Variants in OSBPL6 observed in about 807,000 individuals in gnomAD.
OSBPL6 encodes oxysterol-binding protein-related protein 6.
A neutral mutation model predicts 125.8 loss-of-function variants in OSBPL6; 49 were observed. That is an observed-to-expected ratio of 0.39 (90% CI 0.31 to 0.49). The LOEUF (loss-of-function observed/expected upper bound fraction) is 0.49. Ranked by LOEUF, OSBPL6 falls within the 20% of genes least tolerant of loss-of-function variation. OSBPL6 has a pLI of 0.88. For missense variants in OSBPL6, 986 were observed against 1,135.4 expected (o/e 0.87, Z 1.89); for synonymous variants, 394 against 391.8 (o/e 1.01, Z -0.07).
intron 9 of OSBPL6, 23 bp downstream of exon 9, chr2:178,336,456 C>G: frequency 6.2e-7 from 1 of 1,610,788 alleles, no homozygotes; most frequent in South Asian, 1.1e-5. Flanking sequence ...CCAGTGTGGC[C>G]TGAGAGTAAG....
chr2:178,258,676 T>C lies in OSBPL6; in HGVS notation c.-350-26251T>C, dbSNP rs147835665. 9.4e-3 allele frequency among the ~76,000 whole-genome samples: 1,437 copies of C among 152,298 alleles called. 38 individuals carry two copies. The highest frequency in any genetic ancestry group is 0.01 in the Non-Finnish European group (712 of 68,024). On this transcript the variant is annotated intron_variant, in intron 1 of 24. Transcript: ENST00000190611. ...ACCTATGTAACTCATACGCCTATCA[T>C]GATAGTTCTGTCTCTCCAAAAAAAA...
intron 24 of OSBPL6, 119 bp from the exon 25 acceptor site, chr2:178,395,332 A>G (rs1695764463): frequency 1.6e-6 from 1 of 617,366 alleles, no homozygotes; most frequent in Non-Finnish European, 2.8e-6. Context: ...CTAGCAGATA[A>G]GATACTAACT....
intron 1 of OSBPL6, among the ~76,000 whole-genome samples, chr2:178,201,534 G>A (rs334109): frequency 6.6e-6 from 1 of 151,916 alleles, no homozygotes; most frequent in African/African-American, 2.4e-5. Context: ...GCCACAGCAC[G>A]CGGCAAGAGA....
intron 1 of OSBPL6, among the ~76,000 whole-genome samples, chr2:178,225,021 CTCTCTGAG>C (rs2090494772): frequency 1.3e-5 from 2 of 150,542 alleles, no homozygotes; most frequent in African/African-American, 4.9e-5. Flanking sequence ...CTCTCTCTCT[CTCTCTGAG>C]TGTGTGTGTG....
At chr2:178,349,100 T>C (rs1690995216) in intron 11 of OSBPL6, 124 bp from the exon 12 acceptor site, 1 of 1,003,112 alleles carries the variant, frequency 1.0e-6, no homozygotes, top group African/African-American at 1.6e-5. Flanking sequence ...GAGTACTGAG[T>C]GTCTCCAAGT....
At chr2:178,263,996 G>A (rs377704767) in intron 1 of OSBPL6, among the ~76,000 whole-genome samples, 1 of 152,134 alleles carries the variant, frequency 6.6e-6, no homozygotes, top group Non-Finnish European at 1.5e-5. Flanking sequence ...ACTGTGGCAT[G>A]TTAACATGAA....
intron 5 of OSBPL6, among the ~76,000 whole-genome samples, chr2:178,329,955 A>G (rs1559252832): frequency 6.6e-6 from 1 of 152,170 alleles, no homozygotes; most frequent in African/African-American, 2.4e-5. Context: ...CACATGGGAA[A>G]TGTTGCCCCG....
At chr2:178,304,998 G>A (rs1686633233) in intron 2 of OSBPL6, among the ~76,000 whole-genome samples, 1 of 152,040 alleles carries the variant, frequency 6.6e-6, no homozygotes, top group African/African-American at 2.4e-5. Context: ...TCACCCTCTG[G>A]ACTGAAGTTC....
chr2:178,203,371 T>C (rs561071199), intron 1 of OSBPL6, among the ~76,000 whole-genome samples: 1 of 152,214 alleles, frequency 6.6e-6, no homozygotes, highest in African/African-American at 2.4e-5. Flanking sequence ...TCTTTGGCAA[T>C]GTCTACAGTA....
intron 1 of OSBPL6, among the ~76,000 whole-genome samples, chr2:178,225,437 T>C (rs2090517777): frequency 6.6e-6 from 1 of 152,132 alleles, no homozygotes; most frequent in Non-Finnish European, 1.5e-5. Flanking sequence ...AGTCACTCCA[T>C]AAATATTGGA....
rs545062980 is a variant in OSBPL6, at chr2:178,267,034, T to G, written c.-350-17893T>G. Among the ~76,000 whole-genome samples, 10 of 152,234 alleles carry G rather than the reference T, an allele frequency of 6.6e-5. No individual in the cohort carries two copies. In the South Asian group the frequency reaches 2.1e-3, roughly 32 times the overall value. ...GCCAGAGAGACATGGCTATTTTTGT[T>G]TTTGCCAATGCACTGCAAATTGTCA... is the stretch of plus-strand genomic sequence containing the variant. On this transcript the variant is annotated intron_variant, in intron 1 of 24. Coordinates refer to ENST00000190611, the MANE Select transcript of OSBPL6 (RefSeq NM_032523.4).
chr2:178,398,638 A>C lies in OSBPL6; in HGVS notation c.*3079A>C, dbSNP rs1239639934. On this transcript the variant is annotated 3_prime_UTR_variant, in exon 25 of 25. Coordinates refer to ENST00000190611, the MANE Select transcript of OSBPL6 (RefSeq NM_032523.4). ...ATTGTAAAAATAAACCTTATTTAAG[A>C]TAACTTTTAATGGTACATATCAACT... 1 of 152,232 alleles carries C rather than the reference A, an allele frequency of 6.6e-6. No homozygotes were observed. The highest frequency in any genetic ancestry group is 6.5e-5 in the Admixed American group (1 of 15,284). 9.4% of individuals were successfully genotyped at this position (152,232 alleles called of 1,614,324 possible).
chr2:178,196,371 A>C (rs2088887373), intron 1 of OSBPL6, among the ~76,000 whole-genome samples: 1 of 152,208 alleles, frequency 6.6e-6, no homozygotes, highest in Non-Finnish European at 1.5e-5. Flanking sequence ...GGCTTTTAGA[A>C]AGCCTAAAAA....
At chr2:178,371,350 G>A (rs949380895) in intron 13 of OSBPL6, among the ~76,000 whole-genome samples, 2 of 152,200 alleles carry the variant, frequency 1.3e-5, no homozygotes, top group Non-Finnish European at 1.5e-5. Context: ...CCATGCTTAT[G>A]TAAAGCTGTT....
At chr2:178,296,906 G>GTTTA in intron 2 of OSBPL6, among the ~76,000 whole-genome samples, 1 of 152,314 alleles carries the variant, frequency 6.6e-6, no homozygotes, top group Non-Finnish European at 1.5e-5. Flanking sequence ...ATCCTGATAT[G>GTTTA]TGGGTAATGG....
intron 1 of OSBPL6, among the ~76,000 whole-genome samples, chr2:178,253,330 T>C (rs1365519325): frequency 6.6e-6 from 1 of 152,152 alleles, no homozygotes; most frequent in East Asian, 1.9e-4. Context: ...CTTAAACCAC[T>C]GTATATGAGC....
At chr2:178,254,439 C>G (rs973623246) in intron 1 of OSBPL6, among the ~76,000 whole-genome samples, 1 of 151,116 alleles carries the variant, frequency 6.6e-6, no homozygotes, top group Non-Finnish European at 1.5e-5. Flanking sequence ...TTATAAATTA[C>G]CCAATTTCAG....
chr2:178,273,857 A>G (rs1304073001), intron 1 of OSBPL6, among the ~76,000 whole-genome samples: 3 of 152,132 alleles, frequency 2.0e-5, no homozygotes, highest in Admixed American at 1.3e-4. Context: ...AGATTTGCTG[A>G]TATTGGGATC....
chr2:178,214,021 A>T (rs1254144156), intron 1 of OSBPL6, among the ~76,000 whole-genome samples: 1 of 152,148 alleles, frequency 6.6e-6, no homozygotes, highest in Non-Finnish European at 1.5e-5. Context: ...ATAATTAATC[A>T]AGTATTTGTA....
Sources: allele counts gnomAD v4.1 joint callset (sites outside exome capture counted in the v4.1 genomes callset), GRCh38; gene constraint gnomAD v4.1.1; transcripts MANE v1.5; gene names NCBI Gene and HGNC (gene_info 2026-07-23, HGNC 2026-07-21).